NHS: variants seen among roughly 807,000 people sequenced by gnomAD.
The protein encoded by NHS is actin remodeling regulator NHS.
Under a neutral mutation model 72.5 loss-of-function variants are expected in NHS, and 5 were observed. The ratio of observed to expected loss-of-function variants is 0.07; its 90% CI spans 0.04 to 0.14. The LOEUF (loss-of-function observed/expected upper bound fraction) is 0.14, where lower values mean the gene tolerates loss of function less well. Among genes scored for constraint, NHS ranks in the 10% least tolerant of loss-of-function variants. The pLI is 1.00. For missense variants in NHS, 1,072 were observed against 1,355.7 expected (o/e 0.79, Z 3.29); for synonymous variants, 464 against 547.7 (o/e 0.85, Z 2.13).
chrX:17,674,537 G>C (rs564013415), intron 1 of NHS, among the ~76,000 whole-genome samples: 1 of 112,106 alleles, frequency 8.9e-6, no homozygotes, highest in African/African-American at 3.2e-5. Context: ...GGGTGAAGCT[G>C]TCTGATCCCT....
intron 1 of NHS, among the ~76,000 whole-genome samples, chrX:17,599,795 C>T (rs2065640728): frequency 9.0e-6 from 1 of 111,086 alleles, no homozygotes; most frequent in African/African-American, 3.3e-5. Flanking sequence ...TGGATAAAGT[C>T]AAAACCACCA....
intron 1 of NHS, among the ~76,000 whole-genome samples, chrX:17,646,525 A>G (rs771985787): frequency 1.8e-5 from 2 of 111,282 alleles, no homozygotes; most frequent in African/African-American, 3.3e-5. Context: ...TTCCCTCCCA[A>G]TTGAGTACAT....
intron 1 of NHS, among the ~76,000 whole-genome samples, chrX:17,585,288 G>A (rs2065568995): frequency 8.9e-6 from 1 of 112,396 alleles, no homozygotes; most frequent in Admixed American, 9.4e-5. Context: ...ACTTCATAGG[G>A]TGGTTGTGAG....
At chrX:17,562,419 C>T (rs1187336386) in intron 1 of NHS, among the ~76,000 whole-genome samples, 1 of 111,771 alleles carries the variant, frequency 8.9e-6, no homozygotes, top group African/African-American at 3.3e-5. Context: ...GCTAATTCCC[C>T]AGAATTTCAG....
Position 17,498,225 on chromosome X carries a change from T to C in NHS, c.565+121903T>C, listed in dbSNP as rs780440217. Among the ~76,000 whole-genome samples, 155 of 112,154 alleles carry C rather than the reference T, an allele frequency of 1.4e-3. 1 individual carries two copies. The highest frequency in any genetic ancestry group is 4.9e-3 in the African/African-American group (150 of 30,881). On this transcript the variant is annotated intron_variant, in intron 1 of 8. Transcript: ENST00000676302. ...TTATTCTCCAATGTGGTCTTTCCAA[T>C]GGAAACGCCACCAGCAGGGTATGAG...
chrX:17,417,692 ATT>A (rs922446879), intron 1 of NHS, among the ~76,000 whole-genome samples: 2 of 112,144 alleles, frequency 1.8e-5, no homozygotes, highest in African/African-American at 6.5e-5. Flanking sequence ...TGAGAAAGAA[ATT>A]TTTTCTGCAT....
At chrX:17,526,423 G>A (rs778554951) in intron 1 of NHS, among the ~76,000 whole-genome samples, 1 of 112,398 alleles carries the variant, frequency 8.9e-6, no homozygotes, top group African/African-American at 3.2e-5. Context: ...TGGTGATCAC[G>A]GAATTCTGAG....
intron 1 of NHS, among the ~76,000 whole-genome samples, chrX:17,538,317 A>G (rs2065240584): frequency 1.8e-5 from 2 of 111,686 alleles, no homozygotes; most frequent in South Asian, 7.5e-4. Context: ...TGACATGAGG[A>G]ATGGAGCAAA....
chrX:17,716,672 C>T (rs1316858055), intron 3 of NHS, among the ~76,000 whole-genome samples: 2 of 111,892 alleles, frequency 1.8e-5, no homozygotes, highest in Non-Finnish European at 3.8e-5. Context: ...TCAAAATTAA[C>T]TGGGCCCGAG....
rs1012760249 is a variant in NHS at position 17,727,789 on chromosome X, G to A, written c.3683G>A (p.Arg1228His). ...AACTCTACTTTTGATGTGAAGAATCGCTGCGATCCAGAAACCATAACATCA... is the reference window on the plus strand; with the variant it reads ...AACTCTACTTTTGATGTGAAGAATCACTGCGATCCAGAAACCATAACATCA... ...EKNSTFDVKN[R>H]CDPETITSAG... The change falls in exon 7 of 9, where the codon CGC becomes CAC. Residue 1228 changes from arginine to histidine, a missense_variant. By Grantham distance (29) the Arg-to-His change is conservative. Transcript: ENST00000676302. 1.7e-6 allele frequency: 2 copies of A among 1,211,514 alleles called. No individual in the cohort carries two copies. The highest frequency in any genetic ancestry group is 1.1e-6 in the Non-Finnish European group (1 of 895,430).
chrX:17,484,486 G>T (rs2064959416), intron 1 of NHS, among the ~76,000 whole-genome samples: 1 of 111,945 alleles, frequency 8.9e-6, no homozygotes, highest in Admixed American at 9.5e-5. Context: ...CATCATGGGG[G>T]CCCACACGGG....
intron 1 of NHS, among the ~76,000 whole-genome samples, chrX:17,582,007 C>T (rs2065546506): frequency 8.9e-6 from 1 of 111,782 alleles, no homozygotes; most frequent in South Asian, 3.8e-4. Context: ...GGCCCTGCCT[C>T]CACACTCCCT....
chrX:17,403,942 G>A (rs772578185), intron 1 of NHS, among the ~76,000 whole-genome samples: 3 of 111,328 alleles, frequency 2.7e-5, no homozygotes, highest in Middle Eastern at 4.8e-3. Flanking sequence ...AGTGCTACCC[G>A]GACAGGTGCA....
chrX:17,455,986 G>A (rs1201960018), intron 1 of NHS, among the ~76,000 whole-genome samples: 1 of 111,629 alleles, frequency 9.0e-6, no homozygotes, highest in Non-Finnish European at 1.9e-5. Context: ...TTGCAGGCAA[G>A]CAGCCCCTTC....
At chrX:17,386,249 G>T (rs1283152817) in intron 1 of NHS, among the ~76,000 whole-genome samples, 1 of 111,798 alleles carries the variant, frequency 8.9e-6, no homozygotes, top group Non-Finnish European at 1.9e-5. Context: ...TTCATCCCAG[G>T]TAAAACAACT....
intron 1 of NHS, among the ~76,000 whole-genome samples, chrX:17,410,624 G>A (rs2064553399): frequency 9.4e-6 from 1 of 106,343 alleles, no homozygotes; most frequent in Admixed American, 1.0e-4. Flanking sequence ...CAAAATGCAG[G>A]CCTTCATTTC....
intron 1 of NHS, among the ~76,000 whole-genome samples, chrX:17,599,231 C>T (rs1271845380): frequency 9.0e-6 from 1 of 111,646 alleles, no homozygotes. Context: ...GATATAGTTC[C>T]ATTGAGTATA....
chrX:17,380,669 G>C (rs1016182265), intron 1 of NHS, among the ~76,000 whole-genome samples: 1 of 112,107 alleles, frequency 8.9e-6, no homozygotes, highest in East Asian at 2.8e-4. Context: ...CTTGTAAGGC[G>C]TTTCACTCTG....
At chrX:17,545,697 G>T (rs1361958558) in intron 1 of NHS, among the ~76,000 whole-genome samples, 1 of 111,998 alleles carries the variant, frequency 8.9e-6, no homozygotes, top group Non-Finnish European at 1.9e-5. Flanking sequence ...TTTGTGTCCT[G>T]TTTGCTGTAG....
Sources: gnomAD v4.1 joint callset for allele counts (sites outside exome capture counted in the v4.1 genomes callset) on GRCh38, gnomAD v4.1.1 for gene constraint, MANE v1.5 for transcripts, NCBI Gene and HGNC (gene_info 2026-07-23, HGNC 2026-07-21) for gene names.